MLNR: variants seen among roughly 807,000 people sequenced by gnomAD.
The protein encoded by MLNR is G protein-coupled receptor 38.
A neutral mutation model predicts 20.0 loss-of-function variants in MLNR; 16 were observed. That is an observed-to-expected ratio of 0.80 (90% CI 0.54 to 1.22). MLNR has a LOEUF of 1.22. Among genes scored for constraint, MLNR ranks in the 50% most tolerant of loss-of-function variants. The pLI, the probability that MLNR is intolerant of heterozygous loss-of-function variation, is 0.00. For missense variants in MLNR, 630 were observed against 592.3 expected (o/e 1.06, Z -0.66); for synonymous variants, 302 against 287.2 (o/e 1.05, Z -0.52).
At position 49,220,506 on chromosome 13, in the gene MLNR, G is replaced by C. The variant is rs753233060; in HGVS notation, c.169G>C (p.Val57Leu). 1.0e-5 allele frequency: 16 copies of C among 1,602,540 alleles called. No individual in the cohort carries two copies. The highest frequency in any genetic ancestry group is 1.3e-5 in the Non-Finnish European group (15 of 1,175,224). The change falls in exon 1 of 2, where the codon GTG becomes CTG. Residue 57 changes from valine (V) to leucine (L), a missense_variant. Transcript: ENST00000218721. This position sits in a 1 kb window ranked among gnomAD's most constrained non-coding sequence, Gnocchi z 4.4. ...CLFVVGVSGN[V>L]VTVMLIGRYR... ...GTTCGTCGTCGGGGTGAGCGGCAAC[G>C]TGGTGACCGTGATGCTGATCGGGCG...
Position 49,221,069 on chromosome 13 carries a change from G to T in MLNR, c.732G>T (p.Ala244=). 1 of 1,578,750 alleles carries T rather than the reference G, an allele frequency of 6.3e-7. No homozygotes were observed. The highest frequency in any genetic ancestry group is 8.5e-7 in the Non-Finnish European group (1 of 1,172,022). ...GGCCGAGCCCCGCGCAGCTGGGCGC[G>T]CTGCGTGTCATGCTGTGGGTCACCA... ...ECRPSPAQLG[A]LRVMLWVTTA... The change falls in exon 1 of 2, where the codon GCG becomes GCT. Residue 244 remains alanine, a synonymous_variant. Coordinates refer to ENST00000218721, the MANE Select transcript of MLNR (RefSeq NM_001507.1).
In MLNR at chr13:49,220,571, C is replaced by A. The variant is rs1262810857; in HGVS notation, c.234C>A (p.Gly78=). 1.2e-6 allele frequency: 2 copies of A among 1,613,390 alleles called. No individual in the cohort carries two copies. Among genetic ancestry groups the A allele is most frequent in the East Asian group, 2.2e-5 (1 of 44,832 alleles). ...GGACCACCACCAACTTGTACCTGGG[C>A]AGCATGGCCGTGTCCGACCTACTCA... The part of the protein sequence containing the change: ...DMRTTTNLYL[G]SMAVSDLLIL... The change falls in exon 1 of 2, where the codon GGC becomes GGA. Residue 78 remains glycine, a synonymous_variant. Transcript: ENST00000218721. This position sits in a 1 kb window ranked among gnomAD's most constrained non-coding sequence, Gnocchi z 4.4.
chr13:49,220,644 CCCTGGGTGTTCGGGCCGCTG>C lies in MLNR; in HGVS notation c.309_328del (p.Trp104LeufsTer227). ...CCTGTACCGCCTCTGGCGCTCGCGG[CCCTGGGTGTTCGGGCCGCTG>C]CTCTGCCGCCTGTCCCTCTACGTGG... On this transcript the variant is annotated frameshift_variant, in exon 1 of 2. Coordinates refer to ENST00000218721, the MANE Select transcript of MLNR (RefSeq NM_001507.1). LOFTEE classifies it high-confidence loss of function. This position sits in a 1 kb window ranked among gnomAD's most constrained non-coding sequence, Gnocchi z 4.4. 1.2e-6 allele frequency: 2 copies of C among 1,610,396 alleles called. No homozygotes were observed.
intron 1 of MLNR, 68 bp from the exon 2 acceptor site, chr13:49,221,972 G>A (rs1046893595): frequency 4.3e-6 from 6 of 1,394,236 alleles, no homozygotes; most frequent in Non-Finnish European, 5.0e-6. Flanking sequence ...ATGGTTCCTT[G>A]TCGGGGTGGG....
chr13:49,220,710 A>C lies in MLNR; in HGVS notation c.373A>C (p.Thr125Pro). 1 of 1,592,950 alleles carries C rather than the reference A, an allele frequency of 6.3e-7. No homozygotes were observed. Among genetic ancestry groups the C allele is most frequent in the South Asian group, 1.1e-5 (1 of 88,764 alleles). ...CGTGGGCGAGGGCTGCACCTACGCCACGCTGCTGCACATGACCGCGCTCAG... is the reference window on the plus strand; with the variant it reads ...CGTGGGCGAGGGCTGCACCTACGCCCCGCTGCTGCACATGACCGCGCTCAG... Reference protein sequence around the residue: ...LYVGEGCTYATLLHMTALSVE... With the variant: ...LYVGEGCTYAPLLHMTALSVE... Residue 125 changes from threonine (T) to proline (P), a missense_variant, in exon 1 of 2, where the codon ACG becomes CCG. Physicochemically the swap from Thr to Pro is conservative, Grantham distance 38 (BLOSUM62 -1). Coordinates refer to ENST00000218721, the MANE Select transcript of MLNR (RefSeq NM_001507.1). This position sits in a 1 kb window ranked among gnomAD's most constrained non-coding sequence, Gnocchi z 4.4.
Position 49,220,590 on chromosome 13 carries a change from C to T in MLNR, c.253C>T (p.Leu85=). 2 of 1,613,358 alleles carry T rather than the reference C, an allele frequency of 1.2e-6. No homozygotes were observed. Among genetic ancestry groups the T allele is most frequent in the Non-Finnish European group, 1.7e-6 (2 of 1,179,748 alleles). The change falls in exon 1 of 2, where the codon CTA becomes TTA. Residue 85 remains leucine, a synonymous_variant. Coordinates refer to ENST00000218721, the MANE Select transcript of MLNR (RefSeq NM_001507.1). This position sits in a 1 kb window ranked among gnomAD's most constrained non-coding sequence, Gnocchi z 4.4. ...LYLGSMAVSD[L]LILLGLPFDL... ...CCTGGGCAGCATGGCCGTGTCCGAC[C>T]TACTCATCCTGCTCGGGCTGCCGTT... is the stretch of plus-strand genomic sequence containing the variant.
At position 49,220,649 on chromosome 13, in the gene MLNR, G is replaced by T. The variant is rs1886990806; in HGVS notation, c.312G>T (p.Trp104Cys). 6.2e-7 allele frequency: 1 copy of T among 1,609,822 alleles called. No homozygotes were observed. The highest frequency in any genetic ancestry group is 8.5e-7 in the Non-Finnish European group (1 of 1,178,686). The change falls in exon 1 of 2, where the codon TGG becomes TGT. Residue 104 changes from tryptophan to cysteine, a missense_variant. Coordinates refer to ENST00000218721, the MANE Select transcript of MLNR (RefSeq NM_001507.1). This position sits in a 1 kb window ranked among gnomAD's most constrained non-coding sequence, Gnocchi z 4.4. Reference protein sequence around the residue: ...DLYRLWRSRPWVFGPLLCRLS... With the variant: ...DLYRLWRSRPCVFGPLLCRLS... ...ACCGCCTCTGGCGCTCGCGGCCCTG[G>T]GTGTTCGGGCCGCTGCTCTGCCGCC...
rs775380386 is a variant in MLNR at position 49,222,175 on chromosome 13, T to C, written c.1037T>C (p.Leu346Pro). 1 of 1,614,148 alleles carries C rather than the reference T, an allele frequency of 6.2e-7. No homozygotes were observed. Among genetic ancestry groups the C allele is most frequent in the Non-Finnish European group, 8.5e-7 (1 of 1,180,012 alleles). The part of the protein sequence containing the change: ...FNIVALQLFY[L>P]SASINPILYN... ...ATCGTCGCTCTGCAACTTTTCTATC[T>C]GAGCGCATCTATCAACCCAATCCTC... is the stretch of plus-strand genomic sequence containing the variant. Residue 346 changes from leucine to proline, a missense_variant, in exon 2 of 2, where the codon CTG becomes CCG. Leu to Pro is a moderately conservative substitution (Grantham distance 98). Transcript: ENST00000218721.
Position 49,222,079 on chromosome 13 carries a change from T to G in MLNR, c.941T>G (p.Phe314Cys). ...GCATTTATAATTTGCTGGTTGCCCT[T>G]CCACGTTGGCAGAATCATTTACATA... ...VLAFIICWLPFHVGRIIYINT... is the reference protein window; with the variant it reads ...VLAFIICWLPCHVGRIIYINT... Residue 314 changes from phenylalanine to cysteine, a missense_variant, in exon 2 of 2, where the codon TTC becomes TGC. Phe to Cys is a radical substitution (Grantham distance 205). Coordinates refer to ENST00000218721, the MANE Select transcript of MLNR (RefSeq NM_001507.1). The G allele has an allele frequency of 1.2e-6, 2 of 1,614,142 alleles. No homozygotes were observed. The highest frequency in any genetic ancestry group is 1.7e-6 in the Non-Finnish European group (2 of 1,180,020).
chr13:49,221,760 GAAGGAAGCCTGCC>G (rs564497161), intron 1 of MLNR, among the ~76,000 whole-genome samples: 282 of 152,364 alleles, frequency 1.9e-3, no homozygotes, highest in African/African-American at 6.5e-3. Flanking sequence ...TGGGTTTGTG[GAAGGAAGCCTGCC>G]AAGGCGGCTT....
In MLNR at chr13:49,222,353, C is replaced by T. The variant is rs779598152; in HGVS notation, c.1215C>T (p.Ser405=). The change falls in exon 2 of 2, where the codon AGC becomes AGT. Residue 405 remains serine (S), a synonymous_variant. Transcript: ENST00000218721. ...ACACGGTGGGCTACACCGAGACAAG[C>T]GCTAACGTGAAGACGATGGGATAAC... ...GGDTVGYTET[S]ANVKTMG The T allele has an allele frequency of 5.0e-6, 8 of 1,612,862 alleles. No individual in the cohort carries two copies. The highest frequency in any genetic ancestry group is 3.3e-5 in the Admixed American group (2 of 59,814).
Position 49,220,828 on chromosome 13 carries a change from C to T in MLNR, c.491C>T (p.Ala164Val). The change falls in exon 1 of 2, where the codon GCC becomes GTC. Residue 164 changes from alanine to valine, a missense_variant. Transcript: ENST00000218721. This position sits in a 1 kb window ranked among gnomAD's most constrained non-coding sequence, Gnocchi z 4.4. The stretch of plus-strand genomic sequence containing the variant: ...CGCGCGCTCATCGCTGTGCTCTGGG[C>T]CGTGGCGCTGCTCTCTGCCGGTCCC... ...RVRALIAVLW[A>V]VALLSAGPFL... The T allele has an allele frequency of 6.4e-7, 1 of 1,569,970 alleles. No individual in the cohort carries two copies. The highest frequency in any genetic ancestry group is 2.4e-5 in the East Asian group (1 of 42,108).
Position 49,220,716 on chromosome 13 carries a change from C to G in MLNR, c.379C>G (p.Leu127Val), listed in dbSNP as rs1424674002. ...CGAGGGCTGCACCTACGCCACGCTG[C>G]TGCACATGACCGCGCTCAGCGTCGA... ...VGEGCTYATL[L>V]HMTALSVERY... Residue 127 changes from leucine to valine, a missense_variant, in exon 1 of 2, where the codon CTG (leucine) becomes GTG (valine). Coordinates refer to ENST00000218721, the MANE Select transcript of MLNR (RefSeq NM_001507.1). This position sits in a 1 kb window ranked among gnomAD's most constrained non-coding sequence, Gnocchi z 4.4. 2 of 1,591,134 alleles carry G rather than the reference C, an allele frequency of 1.3e-6. No homozygotes were observed. The highest frequency in any genetic ancestry group is 1.8e-5 in the Admixed American group (1 of 57,040).
In MLNR at chr13:49,220,690, G is replaced by C; in HGVS notation, c.353G>C (p.Gly118Ala). ...PLLCRLSLYV[G>A]EGCTYATLLH... is the part of the protein sequence containing the mutation. ...CTCTGCCGCCTGTCCCTCTACGTGG[G>C]CGAGGGCTGCACCTACGCCACGCTG... Residue 118 changes from glycine (G) to alanine (A), a missense_variant, in exon 1 of 2, where the codon GGC becomes GCC. Physicochemically the swap from Gly to Ala is moderately conservative, Grantham distance 60 (BLOSUM62 0). Coordinates refer to ENST00000218721, the MANE Select transcript of MLNR (RefSeq NM_001507.1). This position sits in a 1 kb window ranked among gnomAD's most constrained non-coding sequence, Gnocchi z 4.4. The C allele has an allele frequency of 6.2e-7, 1 of 1,600,694 alleles. No homozygotes were observed. Among genetic ancestry groups the C allele is most frequent in the Non-Finnish European group, 8.5e-7 (1 of 1,175,016 alleles).
Position 49,220,491 on chromosome 13 carries a change from G to T in MLNR, c.154G>T (p.Gly52Trp). ...TGTGTGCCTGTGCCTGTTCGTCGTC[G>T]GGGTGAGCGGCAACGTGGTGACCGT... ...TAVCLCLFVVGVSGNVVTVML... is the reference protein window; with the variant it reads ...TAVCLCLFVVWVSGNVVTVML... Residue 52 changes from glycine to tryptophan, a missense_variant, in exon 1 of 2, where the codon GGG (glycine) becomes TGG (tryptophan). By Grantham distance (184) the Gly-to-Trp change is radical. Transcript: ENST00000218721. The surrounding 1 kb of genome is among the most constrained non-coding windows in gnomAD (Gnocchi z 4.4). The T allele has an allele frequency of 1.3e-6, 2 of 1,594,536 alleles. No homozygotes were observed. The highest frequency in any genetic ancestry group is 1.7e-6 in the Non-Finnish European group (2 of 1,171,542).
Position 49,221,043 on chromosome 13 carries a change from C to T in MLNR, c.706C>T (p.Arg236Trp). The change falls in exon 1 of 2, where the codon CGG (arginine) becomes TGG (tryptophan). Residue 236 changes from arginine to tryptophan, a missense_variant. Transcript: ENST00000218721. ...CGCGGCGCTGTTCAGCCGCGAATGC[C>T]GGCCGAGCCCCGCGCAGCTGGGCGC... ...EAAALFSREC[R>W]PSPAQLGALR... 1.9e-6 allele frequency: 3 copies of T among 1,566,976 alleles called. No individual in the cohort carries two copies. The highest frequency in any genetic ancestry group is 1.4e-5 in the African/African-American group (1 of 70,968).
rs1160709323 is a variant in MLNR at position 49,220,988 on chromosome 13, C to G, written c.651C>G (p.Ser217=). The stretch of plus-strand genomic sequence containing the variant: ...GGCTCTCGCGGGCGCCACCGCCGTC[C>G]CCGCCGTCGGGGCCCGAGACCGCGG... ...PLWLSRAPPP[S]PPSGPETAEA... Residue 217 remains serine, a synonymous_variant, in exon 1 of 2, where the codon TCC becomes TCG. Transcript: ENST00000218721. The surrounding 1 kb of genome is among the most constrained non-coding windows in gnomAD (Gnocchi z 4.4). The G allele has an allele frequency of 6.6e-7, 1 of 1,508,160 alleles. No individual in the cohort carries two copies. The highest frequency in any genetic ancestry group is 2.3e-5 in the Admixed American group (1 of 44,394). 93.4% of individuals were successfully genotyped at this position (1,508,160 alleles called of 1,614,324 possible).
Position 49,220,770 on chromosome 13 carries a change from C to A in MLNR, c.433C>A (p.Arg145Ser), listed in dbSNP as rs778479923. 5.7e-6 allele frequency: 9 copies of A among 1,567,312 alleles called. No individual in the cohort carries two copies. The highest frequency in any genetic ancestry group is 3.7e-5 in the Admixed American group (2 of 53,616). Residue 145 changes from arginine (R) to serine (S), a missense_variant, in exon 1 of 2, where the codon CGC becomes AGC. By Grantham distance (110) the Arg-to-Ser change is moderately radical. Coordinates refer to ENST00000218721, the MANE Select transcript of MLNR (RefSeq NM_001507.1). This position sits in a 1 kb window ranked among gnomAD's most constrained non-coding sequence, Gnocchi z 4.4. Reference protein sequence around the residue: ...ERYLAICRPLRARVLVTRRRV... With the variant: ...ERYLAICRPLSARVLVTRRRV... ...CTACCTGGCCATCTGCCGCCCGCTC[C>A]GCGCCCGCGTCTTGGTCACCCGGCG...
At chr13:49,221,402 C>A in intron 1 of MLNR, 164 bp downstream of exon 1, 1 of 753,982 alleles carries the variant, frequency 1.3e-6, no homozygotes, top group Non-Finnish European at 2.1e-6. Context: ...ACTTCCCATC[C>A]CCCGAGAAAA....
Sources: allele counts gnomAD v4.1 joint callset (sites outside exome capture counted in the v4.1 genomes callset), GRCh38; gene constraint gnomAD v4.1.1; non-coding constraint Gnocchi (gnomAD v3.1); transcripts MANE v1.5; gene names NCBI Gene and HGNC (gene_info 2026-07-23, HGNC 2026-07-21).